FAM118A: variants seen among roughly 807,000 people sequenced by gnomAD.
The protein encoded by FAM118A is SIR2 antiphage like 2.
FAM118A carries 25 observed loss-of-function variants against 38.2 expected under a neutral mutation model. That is an observed-to-expected ratio of 0.65 (90% confidence interval 0.48 to 0.91). The LOEUF (loss-of-function observed/expected upper bound fraction) is 0.91, where lower values mean the gene tolerates loss of function less well. Among genes scored for constraint, FAM118A ranks in the 40% least tolerant of loss-of-function variants. FAM118A has a pLI of 0.00. For synonymous variants in FAM118A, 178 were observed against 184.1 expected (o/e 0.97, Z 0.27); for missense variants, 425 against 463.3 (o/e 0.92, Z 0.76).
chr22:45,333,690 AAAG>A (rs1157039264), intron 6 of FAM118A, among the ~76,000 whole-genome samples: 27 of 150,614 alleles, frequency 1.8e-4, no homozygotes, highest in Admixed American at 1.7e-3. Flanking sequence ...AAAAAAAAAA[AAAG>A]AGCTGGGTTT....
intron 2 of FAM118A, 77 bp from the exon 3 acceptor site, chr22:45,323,098 C>G: frequency 6.6e-7 from 1 of 1,521,388 alleles, no homozygotes; most frequent in Non-Finnish European, 9.0e-7. Context: ...GGCCGGAACT[C>G]GCAGACAGTT....
chr22:45,339,626 A>G (rs1385045096), intron 8 of FAM118A, among the ~76,000 whole-genome samples: 1 of 151,944 alleles, frequency 6.6e-6, no homozygotes, highest in Non-Finnish European at 1.5e-5. Flanking sequence ...GTTCTTTTCC[A>G]CTACTTTCTT....
chr22:45,340,293 T>C, intron 8 of FAM118A, 93 bp from the exon 9 acceptor site: 3 of 1,479,996 alleles, frequency 2.0e-6, no homozygotes, highest in Non-Finnish European at 9.4e-7. Flanking sequence ...ATAAGAACAA[T>C]TGTAAAGCAG....
At chr22:45,332,303 C>A in intron 5 of FAM118A, 122 bp from the exon 6 acceptor site, 1 of 996,436 alleles carries the variant, frequency 1.0e-6, no homozygotes, top group Non-Finnish European at 1.5e-6. Flanking sequence ...TGCTCCTCAG[C>A]GTGGCCCTGG....
At chr22:45,330,245 G>T (rs890114088) in intron 4 of FAM118A, among the ~76,000 whole-genome samples, 1 of 152,074 alleles carries the variant, frequency 6.6e-6, no homozygotes, top group African/African-American at 2.4e-5. Flanking sequence ...TCACTTTGTT[G>T]CCCAGGCTGG....
intron 1 of FAM118A, among the ~76,000 whole-genome samples, chr22:45,314,370 G>C (rs928880668): frequency 1.3e-5 from 2 of 149,468 alleles, no homozygotes; most frequent in African/African-American, 4.9e-5. Flanking sequence ...AAACTAAACT[G>C]TGCCTTATTT....
rs1361665831 is a variant in FAM118A, at chr22:45,341,477, CT to C, written c.*1075del. The C allele has an allele frequency of 6.6e-6, 1 of 152,220 alleles. No homozygotes were observed. The highest frequency in any genetic ancestry group is 1.9e-4 in the East Asian group (1 of 5,198). The allele number at this position is 152,220 out of a possible 1,614,324, so 9.4% of individuals were successfully genotyped here. A position where few individuals can be genotyped will look rare whatever the true frequency, so the allele number is the denominator to read the frequency against. ...TTTATTCTCTGGGGTAATATCCAGT[CT>C]TTCTGTTATTGTCTCTTAAAATTCT... On this transcript the variant is annotated 3_prime_UTR_variant, in exon 9 of 9. Transcript: ENST00000441876.
chr22:45,340,525 CAA>C lies in FAM118A; in HGVS notation c.*121_*122del. On this transcript the variant is annotated 3_prime_UTR_variant, in exon 9 of 9. Transcript: ENST00000441876. ...CTGATTGCGAAACCGTCACATACAC[CAA>C]GAGAGCCACATGGGCATGTGGCCCT... 3 of 1,207,640 alleles carry C rather than the reference CAA, an allele frequency of 2.5e-6. No individual in the cohort carries two copies. The Admixed American group carries it at 5.3e-5, about 21-fold the overall frequency. The allele number at this position is 1,207,640 out of a possible 1,614,324, so 74.8% of individuals were successfully genotyped here. A position where few individuals can be genotyped will look rare whatever the true frequency, so the allele number is the denominator to read the frequency against.
intron 1 of FAM118A, among the ~76,000 whole-genome samples, chr22:45,319,960 G>A (rs952264772): frequency 6.6e-6 from 1 of 152,136 alleles, no homozygotes; most frequent in Non-Finnish European, 1.5e-5. Context: ...GGGAGTTGAT[G>A]GAAGCTGTGA....
At chr22:45,329,915 C>T (rs1207524512) in intron 4 of FAM118A, 3 of 152,190 alleles carry the variant, frequency 2.0e-5, no homozygotes, top group South Asian at 2.1e-4. Context: ...GACAGTGACC[C>T]GATGGGCATC....
chr22:45,335,734 C>T (rs1451598195), intron 7 of FAM118A, among the ~76,000 whole-genome samples: 1 of 152,222 alleles, frequency 6.6e-6, no homozygotes, highest in African/African-American at 2.4e-5. Context: ...CCAGCTCTTC[C>T]GAAATGTTCG....
intron 4 of FAM118A, chr22:45,328,705 C>G: frequency 3.7e-6 from 2 of 547,410 alleles, no homozygotes; most frequent in Non-Finnish European, 6.6e-6. Flanking sequence ...ATAGCTGGAA[C>G]TGGGAGGGAG....
chr22:45,316,522 T>G (rs1361670564), intron 1 of FAM118A, among the ~76,000 whole-genome samples: 1 of 152,214 alleles, frequency 6.6e-6, no homozygotes, highest in African/African-American at 2.4e-5. Flanking sequence ...CTGAGGGTCA[T>G]GCTGGGAAGG....
chr22:45,340,546 T>A lies in FAM118A; in HGVS notation c.*141T>A, dbSNP rs897343689. 1 of 1,012,770 alleles carries A rather than the reference T, an allele frequency of 9.9e-7. No individual in the cohort carries two copies. The highest frequency in any genetic ancestry group is 1.9e-5 in the Admixed American group (1 of 53,230). 62.7% of individuals were successfully genotyped at this position (1,012,770 alleles called of 1,614,324 possible). A position where few individuals can be genotyped will look rare whatever the true frequency, so the allele number is the denominator to read the frequency against. ...ACACCAAGAGAGCCACATGGGCATG[T>A]GGCCCTCAAGGCTGGGTGAGAGGGC... On this transcript the variant is annotated 3_prime_UTR_variant, in exon 9 of 9. Coordinates refer to ENST00000441876, the MANE Select transcript of FAM118A (RefSeq NM_017911.4).
At chr22:45,336,641 A>G (rs1602001135) in intron 8 of FAM118A, among the ~76,000 whole-genome samples, 1 of 152,206 alleles carries the variant, frequency 6.6e-6, no homozygotes, top group Non-Finnish European at 1.5e-5. Flanking sequence ...GAAAAATGTT[A>G]CGGAGAAAAC....
intron 6 of FAM118A, 156 bp from the exon 7 acceptor site, chr22:45,335,194 G>A: frequency 2.8e-6 from 2 of 708,670 alleles, no homozygotes; most frequent in Non-Finnish European, 4.9e-6. Context: ...TAGAGGTGAG[G>A]GCAGCGAGCA....
intron 3 of FAM118A, among the ~76,000 whole-genome samples, chr22:45,327,042 A>G (rs2085325622): frequency 6.6e-6 from 1 of 150,770 alleles, no homozygotes; most frequent in Admixed American, 6.6e-5. Flanking sequence ...ATGAAAAATG[A>G]AATAAAATAA....
intron 1 of FAM118A, among the ~76,000 whole-genome samples, chr22:45,319,280 C>T (rs112348932): frequency 4.6e-5 from 7 of 152,052 alleles, no homozygotes; most frequent in Non-Finnish European, 7.4e-5. Context: ...CGTGTACAGA[C>T]GGCTGAACTA....
chr22:45,327,343 C>T (rs943763285), intron 3 of FAM118A, among the ~76,000 whole-genome samples: 32 of 152,026 alleles, frequency 2.1e-4, no homozygotes, highest in Admixed American at 2.1e-3. Context: ...TGGGACTGTG[C>T]AGCGCTCAGG....
Sources: gnomAD v4.1 joint callset for allele counts (sites outside exome capture counted in the v4.1 genomes callset) on GRCh38, gnomAD v4.1.1 for gene constraint, MANE v1.5 for transcripts, NCBI Gene and HGNC (gene_info 2026-07-23, HGNC 2026-07-21) for gene names.